Variants in CPA6 observed in about 807,000 individuals in gnomAD.
CPA6 encodes carboxypeptidase B.
A neutral mutation model predicts 63.3 loss-of-function variants in CPA6; 58 were observed. That is an observed-to-expected ratio of 0.92 (90% CI 0.74 to 1.14). The LOEUF (loss-of-function observed/expected upper bound fraction) is 1.14, where lower values mean the gene tolerates loss of function less well. Ranked by LOEUF, CPA6 falls within the 50% of genes most tolerant of loss-of-function variation. The probability of loss-of-function intolerance (pLI) is 0.00; values close to 1 mark genes in which losing one functional copy is unlikely to be tolerated. For missense variants in CPA6, 565 were observed against 526.6 expected (o/e 1.07, Z -0.71); for synonymous variants, 185 against 179.0 (o/e 1.03, Z -0.27).
At chr8:67,651,126 A>G (rs778636750) in intron 1 of CPA6, among the ~76,000 whole-genome samples, 12 of 152,192 alleles carry the variant, frequency 7.9e-5, no homozygotes, top group Non-Finnish European at 1.5e-4. Context: ...AGGAATTTAC[A>G]TGAAACTTAA....
intron 1 of CPA6, among the ~76,000 whole-genome samples, chr8:67,739,430 C>G (rs1220433050): frequency 6.6e-6 from 1 of 152,214 alleles, no homozygotes; most frequent in African/African-American, 2.4e-5. Flanking sequence ...CACTGGAGAA[C>G]TATTCCATTA....
chr8:67,525,651 A>C (rs989472715), intron 2 of CPA6, among the ~76,000 whole-genome samples: 1 of 152,234 alleles, frequency 6.6e-6, no homozygotes, highest in Non-Finnish European at 1.5e-5. Flanking sequence ...GTTGGAAAAG[A>C]AAAAGATTCT....
chr8:67,681,027 A>G (rs1440635941), intron 1 of CPA6, among the ~76,000 whole-genome samples: 4 of 151,904 alleles, frequency 2.6e-5, no homozygotes, highest in African/African-American at 9.7e-5. Flanking sequence ...TATGCATCAT[A>G]AATATATTCT....
intron 2 of CPA6, among the ~76,000 whole-genome samples, chr8:67,559,180 C>T (rs1373077987): frequency 6.6e-6 from 1 of 152,136 alleles, no homozygotes; most frequent in African/African-American, 2.4e-5. Flanking sequence ...CACTCTTGTT[C>T]TACCTTAACT....
chr8:67,502,766 TC>T (rs1811853142), intron 6 of CPA6, among the ~76,000 whole-genome samples: 1 of 152,232 alleles, frequency 6.6e-6, no homozygotes, highest in Non-Finnish European at 1.5e-5. Flanking sequence ...GTGTTTAATT[TC>T]CAAGTGTTTG....
intron 1 of CPA6, among the ~76,000 whole-genome samples, chr8:67,729,599 G>A (rs1817668044): frequency 1.3e-5 from 2 of 152,200 alleles, no homozygotes; most frequent in African/African-American, 4.8e-5. Context: ...TAGTGCTACT[G>A]CAGAGCATTC....
At chr8:67,652,289 C>G (rs1402583601) in intron 1 of CPA6, among the ~76,000 whole-genome samples, 1 of 152,208 alleles carries the variant, frequency 6.6e-6, no homozygotes, top group African/African-American at 2.4e-5. Flanking sequence ...AATCATATTT[C>G]TAGTTCTAGA....
intron 2 of CPA6, among the ~76,000 whole-genome samples, chr8:67,523,043 T>A (rs1007415998): frequency 2.0e-5 from 3 of 152,208 alleles, no homozygotes; most frequent in Non-Finnish European, 2.9e-5. Flanking sequence ...ATGCAGTGAT[T>A]AGGGTGTGAA....
At chr8:67,713,786 G>T (rs961923413) in intron 1 of CPA6, among the ~76,000 whole-genome samples, 3 of 152,148 alleles carry the variant, frequency 2.0e-5, no homozygotes, top group African/African-American at 7.2e-5. Context: ...AGAGAAGACA[G>T]ATTTTACAAT....
chr8:67,462,955 T>A (rs1810846108), intron 8 of CPA6, among the ~76,000 whole-genome samples: 1 of 152,198 alleles, frequency 6.6e-6, no homozygotes, highest in Non-Finnish European at 1.5e-5. Context: ...AGAGGTATAG[T>A]CAAATGACCT....
At chr8:67,612,572 G>A (rs550339892) in intron 2 of CPA6, among the ~76,000 whole-genome samples, 1 of 152,320 alleles carries the variant, frequency 6.6e-6, no homozygotes, top group South Asian at 2.1e-4. Flanking sequence ...GAGAGCAGAA[G>A]AAACACTGAT....
chr8:67,428,754 A>C (rs1448531566), intron 9 of CPA6, among the ~76,000 whole-genome samples: 1 of 152,202 alleles, frequency 6.6e-6, no homozygotes, highest in East Asian at 1.9e-4. Flanking sequence ...AAGTGCTGGT[A>C]CTACAGACAT....
At chr8:67,544,934 T>C (rs1203582673) in intron 2 of CPA6, among the ~76,000 whole-genome samples, 1 of 152,180 alleles carries the variant, frequency 6.6e-6, no homozygotes, top group Non-Finnish European at 1.5e-5. Context: ...ATCCATTTTT[T>C]TGGGGGGCCA....
intron 1 of CPA6, among the ~76,000 whole-genome samples, chr8:67,668,946 C>T (rs1163224052): frequency 1.3e-5 from 2 of 152,074 alleles, no homozygotes; most frequent in African/African-American, 2.4e-5. Flanking sequence ...GGTGGATGCT[C>T]GCCTGCAGGT....
Position 67,713,359 on chromosome 8 carries a change from T to C in CPA6, c.116+32655A>G, listed in dbSNP as rs542934784. Among the ~76,000 whole-genome samples, 4 of 151,962 alleles carry C rather than the reference T, an allele frequency of 2.6e-5. No homozygotes were observed. The East Asian group carries it at 7.8e-4, about 29-fold the overall frequency. ...GATAAGTGGGGGTGACTACCATACC[T>C]GGAGTTTGGTTTTGGTAGAGGATGA... is the stretch of plus-strand genomic sequence containing the variant. On this transcript the variant is annotated intron_variant, in intron 1 of 10. Transcript: ENST00000297770.
At chr8:67,480,704 G>C (rs1226068941) in intron 8 of CPA6, among the ~76,000 whole-genome samples, 1 of 152,142 alleles carries the variant, frequency 6.6e-6, no homozygotes, top group Non-Finnish European at 1.5e-5. Flanking sequence ...TAAGAGTGGA[G>C]TTGCTGGGTC....
intron 2 of CPA6, among the ~76,000 whole-genome samples, chr8:67,572,448 C>T (rs1813509787): frequency 6.6e-6 from 1 of 152,202 alleles, no homozygotes; most frequent in South Asian, 2.1e-4. Flanking sequence ...CCCTCAAGTT[C>T]CTGGCTCTGT....
chr8:67,579,315 AG>A (rs1259923337), intron 2 of CPA6, among the ~76,000 whole-genome samples: 1 of 152,186 alleles, frequency 6.6e-6, no homozygotes, highest in Non-Finnish European at 1.5e-5. Flanking sequence ...TGGGAGGCTG[AG>A]GCAAGAGAAT....
At chr8:67,591,947 G>T (rs1424219366) in intron 2 of CPA6, among the ~76,000 whole-genome samples, 2 of 152,126 alleles carry the variant, frequency 1.3e-5, no homozygotes, top group Non-Finnish European at 2.9e-5. Flanking sequence ...ATGAGAGAGG[G>T]CATCCCTGTC....
Sources: gnomAD v4.1 joint callset for allele counts (sites outside exome capture counted in the v4.1 genomes callset) on GRCh38, gnomAD v4.1.1 for gene constraint, MANE v1.5 for transcripts, NCBI Gene and HGNC (gene_info 2026-07-23, HGNC 2026-07-21) for gene names.